Variants in PYGB observed in about 807,000 individuals in gnomAD.
The protein encoded by PYGB is glycogen phosphorylase B, also known as glycogen phosphorylase, brain form.
In PYGB, 82 loss-of-function variants were observed where a neutral mutation model predicts 94.3. That is an observed-to-expected ratio of 0.87 (90% CI 0.73 to 1.04). PYGB has a LOEUF of 1.04. Among genes scored for constraint, PYGB ranks in the 50% least tolerant of loss-of-function variants. The probability of loss-of-function intolerance (pLI) is 0.00; values close to 1 mark genes in which losing one functional copy is unlikely to be tolerated. For synonymous variants in PYGB, 488 were observed against 479.1 expected (o/e 1.02, Z -0.24); for missense variants, 1,132 against 1,158.2 (o/e 0.98, Z 0.33).
intron 5 of PYGB, 137 bp downstream of exon 5, chr20:25,274,860 G>C: frequency 7.4e-7 from 1 of 1,355,786 alleles, no homozygotes; most frequent in East Asian, 2.3e-5. Flanking sequence ...AAAGCCGGGG[G>C]AGGTTTATTC....
At position 25,292,412 on chromosome 20, in the gene PYGB, C is replaced by A; in HGVS notation, c.1976C>A (p.Pro659Gln). Reference sequence around the variant, plus strand: ...CACGGGCTCCCCTCCACAGTGATCCCGGCCGCTGATCTGTCGCAGCAGATC... The same window carrying A: ...CACGGGCTCCCCTCCACAGTGATCCAGGCCGCTGATCTGTCGCAGCAGATC... ...YRVSLAEKVI[P>Q]AADLSQQIST... Residue 659 changes from proline (P) to glutamine (Q), a missense_variant, in exon 17 of 20, where the codon CCG becomes CAG. Physicochemically the swap from Pro to Gln is moderately conservative, Grantham distance 76 (BLOSUM62 -1). Transcript: ENST00000216962. The A allele has an allele frequency of 6.2e-7, 1 of 1,612,952 alleles. No homozygotes were observed. Among genetic ancestry groups the A allele is most frequent in the Non-Finnish European group, 8.5e-7 (1 of 1,179,974 alleles).
At chr20:25,290,348 C>T (rs2088454819) in intron 15 of PYGB, 133 bp from the exon 16 acceptor site, 1 of 1,216,772 alleles carries the variant, frequency 8.2e-7, no homozygotes, top group Non-Finnish European at 1.2e-6. Context: ...TCCCTAGCTC[C>T]TCTACTGACC....
rs1568693828 is a variant in PYGB, at chr20:25,281,064, C to CTG, written c.1357_1358dup (p.Asn454SerfsTer12). On this transcript the variant is annotated frameshift_variant, in exon 11 of 20. Coordinates refer to ENST00000216962, the MANE Select transcript of PYGB (RefSeq NM_002862.4). LOFTEE classifies it high-confidence loss of function. ...CACCTGTGTGTGATTGGGTCCCATG[C>CTG]TGTCAATGGTGTGGCGAGGATCCAC... 6.2e-7 allele frequency: 1 copy of CTG among 1,614,206 alleles called. No homozygotes were observed. The highest frequency in any genetic ancestry group is 1.7e-5 in the Admixed American group (1 of 60,018).
At chr20:25,266,016 A>T (rs77528141) in intron 2 of PYGB, among the ~76,000 whole-genome samples, 19,280 of 152,068 alleles carry the variant, frequency 0.13, 1,495 homozygotes, top group Non-Finnish European at 0.18. Flanking sequence ...TGTTGATAGT[A>T]TATATTACTC....
Position 25,296,666 on chromosome 20 carries a change from G to A in PYGB, c.*144G>A, listed in dbSNP as rs145042596. On this transcript the variant is annotated 3_prime_UTR_variant, in exon 20 of 20. Coordinates refer to ENST00000216962, the MANE Select transcript of PYGB (RefSeq NM_002862.4). ...TCCAGGAGGGGCCATGGGGGTCAGG[G>A]TGGTTTTGAGAGAGCAGGGTAAGGA... The A allele has an allele frequency of 1.2e-3, 1,398 of 1,134,426 alleles. 3 individuals are homozygous for A. The highest frequency in any genetic ancestry group is 1.5e-3 in the Non-Finnish European group (1,264 of 821,736). The allele number at this position is 1,134,426 out of a possible 1,614,324, so 70.3% of individuals were successfully genotyped here. A position where few individuals can be genotyped will look rare whatever the true frequency, so the allele number is the denominator to read the frequency against.
chr20:25,278,977 T>C, intron 8 of PYGB, 80 bp from the exon 9 acceptor site: 1 of 1,402,262 alleles, frequency 7.1e-7, no homozygotes, highest in Non-Finnish European at 9.8e-7. Context: ...CTCCTTCACT[T>C]GGGGAGCTTC....
intron 14 of PYGB, chr20:25,284,879 A>G (rs895553699): frequency 1.8e-4 from 28 of 152,264 alleles, no homozygotes; most frequent in African/African-American, 6.8e-4. Context: ...AGGACATTTA[A>G]TTATGAGACA....
intron 1 of PYGB, among the ~76,000 whole-genome samples, 168 bp downstream of exon 1, chr20:25,248,589 G>A (rs1017627554): frequency 5.3e-5 from 8 of 151,926 alleles, no homozygotes; most frequent in Non-Finnish European, 7.4e-5. Context: ...GCCGCAGTCG[G>A]CGGGGCCCGG....
At position 25,297,733 on chromosome 20, in the gene PYGB, CT is replaced by C. The variant is rs1277326320; in HGVS notation, c.*1212del. 2.0e-5 allele frequency: 3 copies of C among 152,358 alleles called. No individual in the cohort carries two copies. In the East Asian group the frequency reaches 5.8e-4, roughly 29 times the overall value. The allele number at this position is 152,358 out of a possible 1,614,324, so 9.4% of individuals were successfully genotyped here. On this transcript the variant is annotated 3_prime_UTR_variant, in exon 20 of 20. Transcript: ENST00000216962. Reference sequence around the variant, plus strand: ...TAGCACCTTGCATGCTGGATCTGGGCTGCGGGGAGGCTCTTTTTCTCCCTGG... The same window carrying C: ...TAGCACCTTGCATGCTGGATCTGGGCGCGGGGAGGCTCTTTTTCTCCCTGG...
chr20:25,260,628 A>C (rs2092911233), intron 2 of PYGB, among the ~76,000 whole-genome samples: 1 of 152,126 alleles, frequency 6.6e-6, no homozygotes, highest in South Asian at 2.1e-4. Flanking sequence ...GGCTTGTCGG[A>C]CTGTGGGTGT....
At position 25,292,430 on chromosome 20, in the gene PYGB, A is replaced by T. The variant is rs1465623427; in HGVS notation, c.1994A>T (p.Gln665Leu). 11 of 1,613,162 alleles carry T rather than the reference A, an allele frequency of 6.8e-6. No homozygotes were observed. The highest frequency in any genetic ancestry group is 9.3e-6 in the Non-Finnish European group (11 of 1,179,982). The change falls in exon 17 of 20, where the codon CAG becomes CTG. Residue 665 changes from glutamine (Q) to leucine (L), a missense_variant. By Grantham distance (113) the Gln-to-Leu change is moderately radical. Transcript: ENST00000216962. ...EKVIPAADLS[Q>L]QISTAGTEAS... is the part of the protein sequence containing the mutation. ...GTGATCCCGGCCGCTGATCTGTCGC[A>T]GCAGATCTCCACTGCAGGCACCGAG...
Position 25,248,134 on chromosome 20 carries a change from G to A in PYGB, c.-45G>A, listed in dbSNP as rs374587505. On this transcript the variant is annotated 5_prime_UTR_variant, in exon 1 of 20. Transcript: ENST00000216962. Reference sequence around the variant, plus strand: ...CACCATCCCGGCGTTCGCGTGTGCCGCCGCTTTCCTCCTCCATCTCTTTTC... The same window carrying A: ...CACCATCCCGGCGTTCGCGTGTGCCACCGCTTTCCTCCTCCATCTCTTTTC... 3.9e-6 allele frequency: 6 copies of A among 1,532,288 alleles called. No homozygotes were observed. The highest frequency in any genetic ancestry group is 5.3e-6 in the Non-Finnish European group (6 of 1,141,904). 94.9% of individuals were successfully genotyped at this position (1,532,288 alleles called of 1,614,324 possible). A position where few individuals can be genotyped will look rare whatever the true frequency, so the allele number is the denominator to read the frequency against.
chr20:25,280,614 G>A (rs906065372), intron 10 of PYGB, among the ~76,000 whole-genome samples: 5 of 152,216 alleles, frequency 3.3e-5, no homozygotes, highest in African/African-American at 1.2e-4. Flanking sequence ...GTTCCTCTTT[G>A]TAAATTAAAT....
intron 4 of PYGB, 26 bp downstream of exon 4, chr20:25,271,512 G>T (rs2088268429): frequency 6.3e-7 from 1 of 1,588,970 alleles, no homozygotes; most frequent in Admixed American, 1.7e-5. Flanking sequence ...TTTCTTCACT[G>T]GTTTCCAGCT....
rs746528562 is a variant in PYGB at position 25,296,399 on chromosome 20, C to T, written c.2409C>T (p.Ile803=). ...CCAAGGAGTGGACCAAGAAGGTCAT[C>T]AGGAACATCGCCTGCTCGGGCAAGT... The part of the protein sequence containing the change: ...RNPKEWTKKV[I]RNIACSGKFS... The change falls in exon 20 of 20, where the codon ATC becomes ATT. Residue 803 remains isoleucine, a synonymous_variant. Transcript: ENST00000216962. The T allele has an allele frequency of 1.2e-6, 2 of 1,614,090 alleles. No homozygotes were observed. The highest frequency in any genetic ancestry group is 1.7e-6 in the Non-Finnish European group (2 of 1,180,034).
At chr20:25,257,909 T>A (rs1478374030) in intron 1 of PYGB, among the ~76,000 whole-genome samples, 1 of 152,076 alleles carries the variant, frequency 6.6e-6, no homozygotes, top group Non-Finnish European at 1.5e-5. Flanking sequence ...GAATATTAAG[T>A]TCGTTCAAAT....
chr20:25,291,587 C>A (rs972510712), intron 16 of PYGB, among the ~76,000 whole-genome samples: 1 of 152,220 alleles, frequency 6.6e-6, no homozygotes, highest in Admixed American at 6.5e-5. Flanking sequence ...ACTCACGGGC[C>A]GGCTTGCCTC....
intron 17 of PYGB, among the ~76,000 whole-genome samples, chr20:25,292,847 G>A (rs1265342672): frequency 3.9e-5 from 6 of 152,188 alleles, no homozygotes; most frequent in African/African-American, 9.6e-5. Context: ...CTCCTGTCTC[G>A]GCTCTGAGGC....
rs1192301872 is a variant in PYGB at position 25,248,335 on chromosome 20, T to C, written c.157T>C (p.Phe53Leu). The change falls in exon 1 of 20, where the codon TTC (phenylalanine) becomes CTC (leucine). Residue 53 changes from phenylalanine to leucine, a missense_variant. By Grantham distance (22) the Phe-to-Leu change is conservative (BLOSUM62 0). Transcript: ENST00000216962. ...DRNVATPRDY[F>L]FALAHTVRDH... ...CAATGTGGCCACGCCCCGCGACTAC[T>C]TCTTCGCGCTGGCGCACACGGTGCG... 6.2e-7 allele frequency: 1 copy of C among 1,603,548 alleles called. No homozygotes were observed. The highest frequency in any genetic ancestry group is 1.7e-5 in the Admixed American group (1 of 58,578).
Sources: allele counts gnomAD v4.1 joint callset (sites outside exome capture counted in the v4.1 genomes callset), GRCh38; gene constraint gnomAD v4.1.1; transcripts MANE v1.5; gene names NCBI Gene and HGNC (gene_info 2026-07-23, HGNC 2026-07-21).